GRIK1: variants seen among roughly 807,000 people sequenced by gnomAD.
The protein encoded by GRIK1 is glutamate ionotropic receptor kainate type subunit 1, also known as glutamate receptor ionotropic, kainate 1.
A neutral mutation model predicts 105.7 loss-of-function variants in GRIK1; 69 were observed. That is an observed-to-expected ratio of 0.65 (90% CI 0.54 to 0.80). The LOEUF is 0.80. GRIK1 is among the 30% of genes least tolerant of loss of function. The probability of loss-of-function intolerance (pLI) is 0.00; values close to 1 mark genes in which losing one functional copy is unlikely to be tolerated. For synonymous variants in GRIK1, 438 were observed against 431.3 expected, an observed-to-expected ratio of 1.02 and a Z score of -0.19; for missense variants, 1,109 against 1,167.3, an observed-to-expected ratio of 0.95 and a Z score of 0.73.
intron 1 of GRIK1, among the ~76,000 whole-genome samples, chr21:29,768,085 T>C (rs2065719974): frequency 6.6e-6 from 1 of 152,204 alleles, no homozygotes; most frequent in Non-Finnish European, 1.5e-5. Context: ...CTTTCCCTCA[T>C]GCAAGGTGCT....
intron 7 of GRIK1, among the ~76,000 whole-genome samples, chr21:29,607,873 G>A (rs363426): frequency 0.35 from 53,333 of 151,964 alleles, 10,026 homozygotes; most frequent in African/African-American, 0.5. Context: ...ATGTAATTAT[G>A]TTGAGTTAGA....
chr21:29,914,732 A>G (rs1469071331), intron 1 of GRIK1, among the ~76,000 whole-genome samples: 1 of 152,044 alleles, frequency 6.6e-6, no homozygotes, highest in Non-Finnish European at 1.5e-5. Flanking sequence ...TTTCCCTGCC[A>G]TGTTGAGATA....
intron 1 of GRIK1, among the ~76,000 whole-genome samples, chr21:29,702,957 G>A (rs1042589415): frequency 6.6e-6 from 1 of 152,178 alleles, no homozygotes; most frequent in African/African-American, 2.4e-5. Context: ...ATAGACACAG[G>A]AAACTAATGC....
chr21:29,709,873 TA>T (rs1601506381), intron 1 of GRIK1, among the ~76,000 whole-genome samples: 2 of 152,032 alleles, frequency 1.3e-5, no homozygotes, highest in East Asian at 3.9e-4. Flanking sequence ...TCTCATAATG[TA>T]ATACTCTTCA....
intron 4 of GRIK1, among the ~76,000 whole-genome samples, chr21:29,672,446 T>C (rs2063176887): frequency 6.6e-6 from 1 of 152,240 alleles, no homozygotes; most frequent in South Asian, 2.1e-4. Flanking sequence ...CAAATATTTC[T>C]ATCCACATTA....
intron 7 of GRIK1, among the ~76,000 whole-genome samples, chr21:29,608,404 C>T (rs903056500): frequency 4.6e-5 from 7 of 152,072 alleles, no homozygotes; most frequent in Non-Finnish European, 7.4e-5. Flanking sequence ...AATATATGCA[C>T]GTAATGAGTC....
intron 12 of GRIK1, among the ~76,000 whole-genome samples, chr21:29,586,717 T>G (rs2091137851): frequency 6.6e-6 from 1 of 152,204 alleles, no homozygotes; most frequent in Non-Finnish European, 1.5e-5. Context: ...TAGAGCAAAA[T>G]GGTTAAATAC....
chr21:29,669,140 A>G (rs1043466278), intron 4 of GRIK1, among the ~76,000 whole-genome samples: 2 of 152,246 alleles, frequency 1.3e-5, no homozygotes, highest in African/African-American at 4.8e-5. Context: ...TTCATCATAT[A>G]GTACTTGTTC....
At chr21:29,753,712 T>G (rs1259906307) in intron 1 of GRIK1, among the ~76,000 whole-genome samples, 3 of 152,212 alleles carry the variant, frequency 2.0e-5, no homozygotes, top group Non-Finnish European at 4.4e-5. Context: ...ATCCCTTTGC[T>G]TTATTAAAGA....
At chr21:29,901,515 A>G (rs1315358397) in intron 1 of GRIK1, among the ~76,000 whole-genome samples, 1 of 149,622 alleles carries the variant, frequency 6.7e-6, no homozygotes, top group African/African-American at 2.5e-5. Flanking sequence ...TACTATAAAC[A>G]CCTCTACACA....
intron 1 of GRIK1, among the ~76,000 whole-genome samples, chr21:29,905,658 G>C (rs1012837746): frequency 9.0e-6 from 1 of 111,186 alleles, no homozygotes. Context: ...ACGGAGTCTC[G>C]CTCTGTCGCC....
intron 7 of GRIK1, among the ~76,000 whole-genome samples, chr21:29,599,976 C>A (rs1229529426): frequency 6.6e-6 from 1 of 152,144 alleles, no homozygotes; most frequent in Non-Finnish European, 1.5e-5. Flanking sequence ...ATCCCAGCTA[C>A]TCGGGAGGCT....
intron 16 of GRIK1, among the ~76,000 whole-genome samples, chr21:29,539,924 C>A (rs1157457678): frequency 6.6e-6 from 1 of 152,144 alleles, no homozygotes; most frequent in African/African-American, 2.4e-5. Flanking sequence ...CTACACATTA[C>A]CTTTTAAAAA....
At chr21:29,871,020 G>C (rs907443908) in intron 1 of GRIK1, among the ~76,000 whole-genome samples, 2 of 152,114 alleles carry the variant, frequency 1.3e-5, no homozygotes, top group African/African-American at 4.8e-5. Flanking sequence ...AAATGCTTCT[G>C]ACTCTGCCTG....
intron 16 of GRIK1, chr21:29,553,508 A>C: frequency 6.7e-7 from 1 of 1,498,256 alleles, no homozygotes; most frequent in Non-Finnish European, 8.8e-7. Context: ...ACCAATTAGC[A>C]AAAACATTTT....
At chr21:29,913,118 C>T (rs2070875686) in intron 1 of GRIK1, among the ~76,000 whole-genome samples, 1 of 151,898 alleles carries the variant, frequency 6.6e-6, no homozygotes, top group Admixed American at 6.6e-5. Context: ...ACATTGAATT[C>T]CAGTCCAAAG....
intron 7 of GRIK1, among the ~76,000 whole-genome samples, chr21:29,620,438 G>C (rs1218698033): frequency 2.6e-5 from 4 of 152,118 alleles, no homozygotes; most frequent in African/African-American, 9.7e-5. Context: ...GCAATTTGTT[G>C]AAAGAAATGG....
At chr21:29,717,365 G>T (rs1289069171) in intron 1 of GRIK1, among the ~76,000 whole-genome samples, 1 of 152,200 alleles carries the variant, frequency 6.6e-6, no homozygotes, top group Non-Finnish European at 1.5e-5. Flanking sequence ...TGCACCATGT[G>T]CCTGGAAAAG....
chr21:29,605,460 C>G (rs1009425937), intron 7 of GRIK1, among the ~76,000 whole-genome samples: 1 of 152,076 alleles, frequency 6.6e-6, no homozygotes, highest in Non-Finnish European at 1.5e-5. Context: ...TTTTTTCAGT[C>G]TATCATTGAT....
Sources: gnomAD v4.1 joint callset for allele counts (sites outside exome capture counted in the v4.1 genomes callset) on GRCh38, gnomAD v4.1.1 for gene constraint, MANE v1.5 for transcripts, NCBI Gene and HGNC (gene_info 2026-07-23, HGNC 2026-07-21) for gene names.